GLP2R: variants seen among roughly 807,000 people sequenced by gnomAD.
GLP2R encodes glucagon-like peptide 2 receptor.
A neutral mutation model predicts 68.2 loss-of-function variants in GLP2R; 59 were observed. The observed-to-expected ratio is 0.87, with a 90% CI of 0.70 to 1.07. GLP2R has a LOEUF of 1.07. Ranked by LOEUF, GLP2R falls within the 50% of genes least tolerant of loss-of-function variation. The probability of loss-of-function intolerance (pLI) is 0.00; values close to 1 mark genes in which losing one functional copy is unlikely to be tolerated. For missense variants in GLP2R, 548 were observed against 677.4 expected (o/e 0.81, Z 2.12); for synonymous variants, 270 against 265.4 (o/e 1.02, Z -0.17).
At chr17:9,865,068 G>T (rs1247597189) in intron 9 of GLP2R, among the ~76,000 whole-genome samples, 1 of 152,022 alleles carries the variant, frequency 6.6e-6, no homozygotes, top group Non-Finnish European at 1.5e-5. Flanking sequence ...AGCTTGTGGT[G>T]GACTCCTCAT....
intron 9 of GLP2R, chr17:9,866,908 T>G (rs1472776834): frequency 6.6e-6 from 1 of 152,184 alleles, no homozygotes; most frequent in Admixed American, 6.5e-5. Context: ...TGAATGACTG[T>G]ATGGAGCAGA....
At chr17:9,878,353 G>A (rs951270794) in intron 10 of GLP2R, among the ~76,000 whole-genome samples, 8 of 152,152 alleles carry the variant, frequency 5.3e-5, no homozygotes, top group Non-Finnish European at 1.2e-4. Context: ...AAATTGCTCC[G>A]TGGCCTAAGC....
intron 2 of GLP2R, among the ~76,000 whole-genome samples, chr17:9,834,953 G>C (rs1018847619): frequency 1.3e-5 from 2 of 151,638 alleles, no homozygotes; most frequent in East Asian, 1.9e-4. Flanking sequence ...CAGCCAGGTC[G>C]ACATGGTGTC....
At chr17:9,851,106 C>A (rs2066888020) in intron 4 of GLP2R, among the ~76,000 whole-genome samples, 2 of 152,160 alleles carry the variant, frequency 1.3e-5, no homozygotes, top group Non-Finnish European at 2.9e-5. Flanking sequence ...GACATGTCCC[C>A]TAATTTGTTC....
At chr17:9,872,170 T>A (rs2067100859) in intron 10 of GLP2R, among the ~76,000 whole-genome samples, 1 of 152,242 alleles carries the variant, frequency 6.6e-6, no homozygotes, top group Admixed American at 6.5e-5. Flanking sequence ...CCTAGCCCTG[T>A]TTCTCTCCCC....
rs1336827876 is a variant in GLP2R at position 9,879,317 on chromosome 17, A to AAAT, written c.1146-1058_1146-1056dup. ...AAATAAAATAAAATAAAATAAAATA[A>AAAT]AATAAAATAAAATAAAATAAAATAA... On this transcript the variant is annotated intron_variant, in intron 10 of 12. Transcript: ENST00000262441. Among the ~76,000 whole-genome samples, 23 of 73,134 alleles carry AAAT rather than the reference A, an allele frequency of 3.1e-4. 1 individual carries two copies. The highest frequency in any genetic ancestry group is 1.7e-3 in the East Asian group (4 of 2,370). The allele number at this position is 73,134 out of a possible 152,430, so 48.0% of individuals were successfully genotyped here. A position where few individuals can be genotyped will look rare whatever the true frequency, so the allele number is the denominator to read the frequency against.
chr17:9,827,344 T>C (rs899797684), intron 1 of GLP2R, among the ~76,000 whole-genome samples: 1 of 152,244 alleles, frequency 6.6e-6, no homozygotes, highest in Non-Finnish European at 1.5e-5. Flanking sequence ...TCCTTCTGTG[T>C]TCTCAGCAAC....
chr17:9,882,083 A>G (rs2067202027), intron 11 of GLP2R, among the ~76,000 whole-genome samples: 1 of 152,046 alleles, frequency 6.6e-6, no homozygotes, highest in Non-Finnish European at 1.5e-5. Flanking sequence ...GTCAAGAAAA[A>G]TTACTGAAAT....
chr17:9,889,172 C>T (rs923913788), intron 12 of GLP2R, among the ~76,000 whole-genome samples, 198 bp from the exon 13 acceptor site: 4 of 152,168 alleles, frequency 2.6e-5, no homozygotes, highest in Admixed American at 1.3e-4. Context: ...GTTTCTTTAC[C>T]GTATTGTCCT....
In GLP2R at chr17:9,840,837, A is replaced by G. The variant is rs539389123; in HGVS notation, c.383-1658A>G. Among the ~76,000 whole-genome samples, 9 of 152,306 alleles carry G rather than the reference A, an allele frequency of 5.9e-5. No homozygotes were observed. The East Asian group carries it at 9.7e-4, about 16-fold the overall frequency. On this transcript the variant is annotated intron_variant, in intron 3 of 12. Transcript: ENST00000262441. Reference sequence around the variant, plus strand: ...GTCAATGGCGCTCTATGCGGGGACCATGCCTGGCCTGTTCCATGAAGAGAA... The same window carrying G: ...GTCAATGGCGCTCTATGCGGGGACCGTGCCTGGCCTGTTCCATGAAGAGAA...
chr17:9,854,647 C>T, intron 5 of GLP2R, 46 bp downstream of exon 5: 1 of 1,032,878 alleles, frequency 9.7e-7, no homozygotes, highest in Non-Finnish European at 1.5e-6. Context: ...GTATAGTAGC[C>T]CTCCTTCATC....
chr17:9,835,248 C>T (rs1030050744), intron 2 of GLP2R, among the ~76,000 whole-genome samples: 1 of 151,946 alleles, frequency 6.6e-6, no homozygotes, highest in African/African-American at 2.4e-5. Context: ...AGGATGGTCT[C>T]GATCCCCTGA....
At chr17:9,857,292 G>A (rs1261700172) in intron 5 of GLP2R, 131 bp from the exon 6 acceptor site, 4 of 734,864 alleles carry the variant, frequency 5.4e-6, no homozygotes, top group Non-Finnish European at 9.0e-6. Flanking sequence ...ACATAATCCA[G>A]CAGTCCAGCT....
In GLP2R at chr17:9,889,451, G is replaced by A. The variant is rs17681684; in HGVS notation, c.1408G>A (p.Asp470Asn). The A allele has an allele frequency of 0.28, 448,825 of 1,613,624 alleles. 69,480 individuals are homozygous for A. Among genetic ancestry groups the A allele is most frequent in the Non-Finnish European group, 0.32 (378,999 of 1,179,550 alleles). The change falls in exon 13 of 13, where the codon GAC becomes AAC. Residue 470 changes from aspartate (D) to asparagine (N), a missense_variant. Coordinates refer to ENST00000262441, the MANE Select transcript of GLP2R (RefSeq NM_004246.3). The stretch of plus-strand genomic sequence containing the variant: ...CTGCAGAGCCTGTGTCCTGGGGAAG[G>A]ACTTCCGGTTCCTAGGAAAATGTCC... ...SGCRACVLGK[D>N]FRFLGKCPKK...
At chr17:9,862,190 T>C in intron 9 of GLP2R, 100 bp downstream of exon 9, 1 of 837,810 alleles carries the variant, frequency 1.2e-6, no homozygotes, top group South Asian at 1.4e-5. Context: ...TCTGATCCCT[T>C]GAGAGAGAGA....
chr17:9,889,565 C>A lies in GLP2R; in HGVS notation c.1522C>A (p.Arg508=), dbSNP rs760303918. 1.2e-5 allele frequency: 19 copies of A among 1,614,144 alleles called. No homozygotes were observed. Among genetic ancestry groups the A allele is most frequent in the Non-Finnish European group, 1.5e-5 (18 of 1,179,986 alleles). Residue 508 remains arginine (R), a synonymous_variant, in exon 13 of 13, where the codon CGA becomes AGA. Transcript: ENST00000262441. The stretch of plus-strand genomic sequence containing the variant: ...TGGGCGGCTCCTACATCTAGCCATG[C>A]GAGGTCTTGGGGAGCTGGGCGCCCA... The part of the protein sequence containing the change: ...NSGRLLHLAM[R]GLGELGAQPQ...
chr17:9,829,261 A>C (rs2066659334), intron 1 of GLP2R, among the ~76,000 whole-genome samples: 1 of 152,178 alleles, frequency 6.6e-6, no homozygotes, highest in Admixed American at 6.5e-5. Flanking sequence ...TTTGAGAAGT[A>C]CATTGCGGCC....
chr17:9,887,913 T>C lies in GLP2R; in HGVS notation c.1285-19T>C, dbSNP rs1316407750. ...TTCTCCGGAGTCAGATTTTATGCCA[T>C]GTCCTCCTTTTGTTTCAGGGGTTCC... On this transcript the variant is annotated intron_variant, in intron 11 of 12. Transcript: ENST00000262441. 1.2e-6 allele frequency: 2 copies of C among 1,600,886 alleles called. No individual in the cohort carries two copies. The highest frequency in any genetic ancestry group is 1.7e-6 in the Non-Finnish European group (2 of 1,167,942).
At position 9,861,662 on chromosome 17, in the gene GLP2R, A is replaced by G. The variant is rs553343938; in HGVS notation, c.987-359A>G. ...GCACTGATTCTCAACAGCCTGTTTT[A>G]AGCCTATTGCTGAAACGTATATTGT... On this transcript the variant is annotated intron_variant, in intron 8 of 12. Transcript: ENST00000262441. Among the ~76,000 whole-genome samples, 3 of 152,324 alleles carry G rather than the reference A, an allele frequency of 2.0e-5. No homozygotes were observed. In the South Asian group the frequency reaches 6.2e-4, roughly 32 times the overall value.
Sources: allele counts gnomAD v4.1 joint callset (sites outside exome capture counted in the v4.1 genomes callset), GRCh38; gene constraint gnomAD v4.1.1; transcripts MANE v1.5; gene names NCBI Gene and HGNC (gene_info 2026-07-23, HGNC 2026-07-21).